Variants in SUPT16H observed in about 807,000 individuals in gnomAD.
SUPT16H encodes the protein FACT complex subunit SPT16.
SUPT16H carries 24 observed loss-of-function variants against 136.2 expected under a neutral mutation model. That is an observed-to-expected ratio of 0.18 (90% CI 0.13 to 0.25). The LOEUF (loss-of-function observed/expected upper bound fraction) is 0.25, where lower values mean the gene tolerates loss of function less well. SUPT16H is among the 10% of genes least tolerant of loss of function. The pLI, the probability that SUPT16H is intolerant of heterozygous loss-of-function variation, is 1.00. For synonymous variants in SUPT16H, 415 were observed against 428.2 expected, an observed-to-expected ratio of 0.97 and a Z score of 0.38; for missense variants, 623 against 1,270.2, an observed-to-expected ratio of 0.49 and a Z score of 7.74.
At chr14:21,358,991 G>C (rs1164693425) in intron 19 of SUPT16H, among the ~76,000 whole-genome samples, 1 of 152,038 alleles carries the variant, frequency 6.6e-6, no homozygotes, top group African/African-American at 2.4e-5. Context: ...ATTTTTAGTA[G>C]AGACAGCGTT....
chr14:21,381,888 A>G (rs1387234645), intron 1 of SUPT16H, among the ~76,000 whole-genome samples: 1 of 150,690 alleles, frequency 6.6e-6, no homozygotes, highest in African/African-American at 2.4e-5. Context: ...CACGGTGCCC[A>G]GCCAGGTTTG....
chr14:21,371,358 T>C (rs941036840), intron 3 of SUPT16H, among the ~76,000 whole-genome samples: 1 of 152,086 alleles, frequency 6.6e-6, no homozygotes, highest in Non-Finnish European at 1.5e-5. Flanking sequence ...GCTCAAGCAA[T>C]CCTCCCATCT....
chr14:21,359,278 A>G (rs1478631447), intron 19 of SUPT16H, among the ~76,000 whole-genome samples: 1 of 151,774 alleles, frequency 6.6e-6, no homozygotes, highest in Non-Finnish European at 1.5e-5. Flanking sequence ...TATTTTTAGT[A>G]CAGACAGGGT....
chr14:21,367,797 T>C (rs1886703918), intron 7 of SUPT16H, among the ~76,000 whole-genome samples: 1 of 152,192 alleles, frequency 6.6e-6, no homozygotes, highest in African/African-American at 2.4e-5. Flanking sequence ...TTGAAAGAAA[T>C]GCAGATTCAA....
chr14:21,370,329 T>G lies in SUPT16H; in HGVS notation c.483+7A>C, dbSNP rs759050058. ...TCTTGATTTGCTATTTCCAGTAGTA[T>G]TCTTACTTTGTCAAAGCCTTCTTTG... On this transcript the variant is annotated splice_region_variant and intron_variant, in intron 4 of 25. Transcript: ENST00000216297. The G allele has an allele frequency of 5.0e-6, 8 of 1,610,598 alleles. No homozygotes were observed. Among genetic ancestry groups the G allele is most frequent in the Middle Eastern group, 2.2e-4 (1 of 4,578 alleles).
At position 21,364,893 on chromosome 14, in the gene SUPT16H, CTTGT is replaced by C. The variant is rs757189412; in HGVS notation, c.1163_1166del (p.Asn388ArgfsTer33). ...TTTTCTCTTCTGGCTTTTTCCCCTC[CTTGT>C]TAGTCAGGTCTGAGAATCCTAAATT... On this transcript the variant is annotated frameshift_variant, in exon 10 of 26. Coordinates refer to ENST00000216297, the MANE Select transcript of SUPT16H (RefSeq NM_007192.4). LOFTEE classifies it high-confidence loss of function. 6.2e-7 allele frequency: 1 copy of C among 1,613,644 alleles called. No homozygotes were observed. The highest frequency in any genetic ancestry group is 1.1e-5 in the South Asian group (1 of 91,044).
intron 1 of SUPT16H, 132 bp downstream of exon 1, chr14:21,383,730 G>T (rs761940046): frequency 2.0e-6 from 2 of 1,008,126 alleles, no homozygotes; most frequent in Non-Finnish European, 3.1e-6. Flanking sequence ...TGAATGATTC[G>T]GGAGCAACGA....
chr14:21,384,000 C>T lies in SUPT16H; in HGVS notation c.-73G>A. 1.3e-6 allele frequency: 2 copies of T among 1,575,474 alleles called. No homozygotes were observed. The highest frequency in any genetic ancestry group is 2.2e-5 in the South Asian group (2 of 90,188). On this transcript the variant is annotated 5_prime_UTR_variant, in exon 1 of 26. Transcript: ENST00000216297. ...CCGGCTCAGCCACCCGCTCTCGGCC[C>T]AGGAATCCCGCACTCTCCCAATGAC...
chr14:21,360,816 A>T (rs1383169204), intron 17 of SUPT16H, 30 bp downstream of exon 17: 4 of 1,589,322 alleles, frequency 2.5e-6, no homozygotes, highest in Non-Finnish European at 3.4e-6. Context: ...CCTGAAGAGA[A>T]AGCCTAGGTA....
intron 14 of SUPT16H, among the ~76,000 whole-genome samples, chr14:21,362,538 C>T (rs895031553): frequency 6.6e-6 from 1 of 152,002 alleles, no homozygotes; most frequent in Non-Finnish European, 1.5e-5. Flanking sequence ...ATGAATACAA[C>T]TAAAAGTTAA....
intron 1 of SUPT16H, chr14:21,383,619 G>T (rs750632006): frequency 3.7e-5 from 26 of 704,338 alleles, no homozygotes; most frequent in Non-Finnish European, 5.7e-5. Context: ...GTGCTGCTAT[G>T]CATGACCAAG....
intron 1 of SUPT16H, 94 bp from the exon 2 acceptor site, chr14:21,373,524 C>T (rs1188538274): frequency 1.0e-6 from 1 of 973,212 alleles, no homozygotes; most frequent in Non-Finnish European, 1.7e-6. Context: ...TAATTTTCTC[C>T]TGATAGAAAT....
At chr14:21,358,925 C>T (rs1240937879) in intron 19 of SUPT16H, among the ~76,000 whole-genome samples, 1 of 150,590 alleles carries the variant, frequency 6.6e-6, no homozygotes, top group Non-Finnish European at 1.5e-5. Context: ...CCGCCTCAGC[C>T]TCCCGAGTAG....
chr14:21,378,325 T>C (rs528934196), intron 1 of SUPT16H, among the ~76,000 whole-genome samples: 20 of 151,698 alleles, frequency 1.3e-4, no homozygotes, highest in Non-Finnish European at 2.2e-4. Flanking sequence ...ACTGAGGAAA[T>C]CATTAATGCC....
At chr14:21,369,469 T>A (rs1041317162) in intron 5 of SUPT16H, 114 bp from the exon 6 acceptor site, 4 of 1,393,488 alleles carry the variant, frequency 2.9e-6, no homozygotes, top group Non-Finnish European at 3.9e-6. Context: ...AGGAAATGAT[T>A]TATGCGCCAG....
intron 1 of SUPT16H, among the ~76,000 whole-genome samples, chr14:21,376,057 T>C (rs959999915): frequency 3.9e-5 from 6 of 152,260 alleles, no homozygotes; most frequent in Admixed American, 2.0e-4. Context: ...GTCTGAGGAC[T>C]AACCCAACTT....
At chr14:21,364,746 G>A in intron 10 of SUPT16H, 81 bp downstream of exon 10, 3 of 1,234,566 alleles carry the variant, frequency 2.4e-6, no homozygotes, top group Non-Finnish European at 3.5e-6. Flanking sequence ...ATTTAACAAA[G>A]CAAGAAAAAA....
chr14:21,363,624 A>C, intron 10 of SUPT16H, 121 bp from the exon 11 acceptor site: 1 of 840,560 alleles, frequency 1.2e-6, no homozygotes, highest in Non-Finnish European at 1.9e-6. Flanking sequence ...ACAATGAATA[A>C]ATATAGTTTT....
At chr14:21,375,461 C>G (rs921729588) in intron 1 of SUPT16H, among the ~76,000 whole-genome samples, 2 of 150,928 alleles carry the variant, frequency 1.3e-5, no homozygotes, top group Non-Finnish European at 2.9e-5. Flanking sequence ...TATTATTGAG[C>G]TGTAAGAGTT....
Sources: gnomAD v4.1 joint callset for allele counts (sites outside exome capture counted in the v4.1 genomes callset) on GRCh38, gnomAD v4.1.1 for gene constraint, MANE v1.5 for transcripts, NCBI Gene and HGNC (gene_info 2026-07-23, HGNC 2026-07-21) for gene names.